The following TMEM11 variants were observed in gnomAD, a reference collection of about 807,000 sequenced individuals.
The protein encoded by TMEM11 is transmembrane protein 11, mitochondrial.
TMEM11 carries 1 observed loss-of-function variant against 17.0 expected under a neutral mutation model. The ratio of observed to expected loss-of-function variants is 0.06; its 90% CI spans 0.02 to 0.28. The LOEUF (loss-of-function observed/expected upper bound fraction) is 0.28, where lower values mean the gene tolerates loss of function less well. TMEM11 is among the 10% of genes least tolerant of loss of function. The pLI is 1.00. For synonymous variants in TMEM11, 122 were observed against 118.1 expected, an observed-to-expected ratio of 1.03 and a Z score of -0.21; for missense variants, 172 against 252.9, an observed-to-expected ratio of 0.68 and a Z score of 2.17.
intron 1 of TMEM11, among the ~76,000 whole-genome samples, chr17:21,200,014 C>G (rs1382586573): frequency 6.6e-6 from 1 of 152,234 alleles, no homozygotes; most frequent in Non-Finnish European, 1.5e-5. Context: ...GCATAAGAAA[C>G]ACTGCCACGG....
At chr17:21,199,475 G>A (rs920840180) in intron 1 of TMEM11, among the ~76,000 whole-genome samples, 12 of 152,104 alleles carry the variant, frequency 7.9e-5, no homozygotes, top group African/African-American at 1.4e-4. Flanking sequence ...AGAACGATTC[G>A]GCACAGAATC....
intron 1 of TMEM11, among the ~76,000 whole-genome samples, chr17:21,212,198 A>G (rs933438070): frequency 1.3e-5 from 2 of 152,210 alleles, no homozygotes; most frequent in African/African-American, 4.8e-5. Context: ...TATCTAGGAG[A>G]GTAGATGGTG....
At chr17:21,207,188 A>C (rs1015947380) in intron 1 of TMEM11, among the ~76,000 whole-genome samples, 2 of 152,182 alleles carry the variant, frequency 1.3e-5, no homozygotes, top group African/African-American at 4.8e-5. Context: ...ATTACTTTTC[A>C]CATATTGTAA....
intron 1 of TMEM11, among the ~76,000 whole-genome samples, chr17:21,203,764 C>T (rs1004705214): frequency 1.3e-5 from 2 of 151,900 alleles, no homozygotes; most frequent in Admixed American, 6.6e-5. Context: ...CCAGCCAGCT[C>T]CTGACCACCC....
At chr17:21,212,453 C>T (rs1291387982) in intron 1 of TMEM11, among the ~76,000 whole-genome samples, 1 of 152,232 alleles carries the variant, frequency 6.6e-6, no homozygotes, top group African/African-American at 2.4e-5. Flanking sequence ...GAGTCAGCCA[C>T]TACCCAGCTT....
chr17:21,208,360 C>T (rs1028223306), intron 1 of TMEM11: 1 of 151,808 alleles, frequency 6.6e-6, no homozygotes, highest in Non-Finnish European at 1.5e-5. Flanking sequence ...TCTGTTCAAC[C>T]CTATATCCCT....
chr17:21,207,820 A>G (rs1567636932), intron 1 of TMEM11, among the ~76,000 whole-genome samples: 1 of 151,406 alleles, frequency 6.6e-6, no homozygotes, highest in Non-Finnish European at 1.5e-5. Context: ...CCTAGGAGGT[A>G]GAGGTTGCAG....
At chr17:21,204,925 T>C (rs1256606546) in intron 1 of TMEM11, among the ~76,000 whole-genome samples, 2 of 152,056 alleles carry the variant, frequency 1.3e-5, no homozygotes, top group Non-Finnish European at 2.9e-5. Context: ...AGACACTGAA[T>C]GGGACCGCTC....
At chr17:21,210,945 A>G in intron 1 of TMEM11, 1 of 1,283,994 alleles carries the variant, frequency 7.8e-7, no homozygotes. Flanking sequence ...CATTCCAACA[A>G]TCACGGAGGG....
In TMEM11 at chr17:21,198,786, C is replaced by G; in HGVS notation, c.117G>C (p.Glu39Asp). The G allele has an allele frequency of 2.5e-6, 4 of 1,614,002 alleles. No homozygotes were observed. Among genetic ancestry groups the G allele is most frequent in the Non-Finnish European group, 2.5e-6 (3 of 1,180,020 alleles). Residue 39 changes from glutamate (E) to aspartate (D), a missense_variant, in exon 2 of 2, where the codon GAG (glutamate) becomes GAC (aspartate). This residue lies in a region of TMEM11 where 123 missense variants were observed against 213.6 expected (regional missense o/e 0.58). Transcript: ENST00000317635. The surrounding 1 kb of genome is among the most constrained non-coding windows in gnomAD (Gnocchi z 6.5). ...CYIVHEIYNG[E>D]NAQDQFEYEL... ...CGTACTCAAACTGGTCTTGGGCATT[C>G]TCCCCATTGTAGATCTCATGCACAA...
intron 1 of TMEM11, among the ~76,000 whole-genome samples, chr17:21,212,951 C>A (rs916420995): frequency 2.6e-5 from 4 of 152,178 alleles, no homozygotes; most frequent in African/African-American, 9.7e-5. Flanking sequence ...GAATGGGCAA[C>A]GCTGGATAAC....
At position 21,198,407 on chromosome 17, in the gene TMEM11, G is replaced by T. The variant is rs1023866840; in HGVS notation, c.496C>A (p.His166Asn). 4.3e-6 allele frequency: 7 copies of T among 1,614,102 alleles called. No individual in the cohort carries two copies. The African/African-American group carries it at 9.3e-5, about 22-fold the overall frequency. Residue 166 changes from histidine to asparagine, a missense_variant, in exon 2 of 2, where the codon CAC becomes AAC. Coordinates refer to ENST00000317635, the MANE Select transcript of TMEM11 (RefSeq NM_003876.3). This position sits in a 1 kb window ranked among gnomAD's most constrained non-coding sequence, Gnocchi z 6.5. ...PVVLVRKDDLHRKRLHNTIAL... is the reference protein window; with the variant it reads ...PVVLVRKDDLNRKRLHNTIAL... Reference sequence around the variant, plus strand: ...ATCGTGTTGTGCAGTCTCTTTCTGTGCAGGTCGTCCTTCCGGACCAGCACC... The same window carrying T: ...ATCGTGTTGTGCAGTCTCTTTCTGTTCAGGTCGTCCTTCCGGACCAGCACC...
At position 21,198,690 on chromosome 17, in the gene TMEM11, T is replaced by C. The variant is rs150188248; in HGVS notation, c.213A>G (p.Thr71=). 6.2e-7 allele frequency: 1 copy of C among 1,614,136 alleles called. No homozygotes were observed. The highest frequency in any genetic ancestry group is 1.3e-5 in the African/African-American group (1 of 75,066). Residue 71 remains threonine, a synonymous_variant, in exon 2 of 2, where the codon ACA becomes ACG. Transcript: ENST00000317635. The surrounding 1 kb of genome is among the most constrained non-coding windows in gnomAD (Gnocchi z 6.5). ...VIEPTRIGDE[T]ARWITVGNCL... is the part of the protein sequence containing the mutation. ...AGTTGCCCACGGTGATCCAGCGGGC[T>C]GTCTCGTCGCCAATGCGAGTGGGCT...
Position 21,198,615 on chromosome 17 carries a change from C to A in TMEM11, c.288G>T (p.Pro96=), listed in dbSNP as rs373207736. The A allele has an allele frequency of 2.5e-6, 4 of 1,612,504 alleles. No individual in the cohort carries two copies. The highest frequency in any genetic ancestry group is 2.0e-4 in the Middle Eastern group (1 of 5,034). Residue 96 remains proline, a synonymous_variant, in exon 2 of 2, where the codon CCG becomes CCT. Transcript: ENST00000317635. The surrounding 1 kb of genome is among the most constrained non-coding windows in gnomAD (Gnocchi z 6.5). ...VLAGTACLFT[P]LALPLDYSHY... ...GGGAATAATCTAAGGGCAGCGCCAA[C>A]GGGGTGAAGAGGCAGGCGGTGCCCG...
rs764987344 is a variant in TMEM11, at chr17:21,198,431, C to T, written c.472G>A (p.Val158Met). Residue 158 changes from valine (V) to methionine (M), a missense_variant, in exon 2 of 2, where the codon GTG becomes ATG. Transcript: ENST00000317635. The surrounding 1 kb of genome is among the most constrained non-coding windows in gnomAD (Gnocchi z 6.5). ...LHTLTSSTPV[V>M]LVRKDDLHRK... is the part of the protein sequence containing the mutation. ...TGCAGGTCGTCCTTCCGGACCAGCA[C>T]CACCGGGGTGGAGGAGGTGAGTGTG... The T allele has an allele frequency of 6.2e-7, 1 of 1,614,234 alleles. No individual in the cohort carries two copies. Among genetic ancestry groups the T allele is most frequent in the South Asian group, 1.1e-5 (1 of 91,088 alleles).
intron 1 of TMEM11, among the ~76,000 whole-genome samples, chr17:21,201,805 A>ATTT (rs1401183247): frequency 1.3e-5 from 2 of 152,128 alleles, no homozygotes; most frequent in African/African-American, 2.4e-5. Flanking sequence ...AATTAAAAAA[A>ATTT]TTTTGTTGTA....
At position 21,198,781 on chromosome 17, in the gene TMEM11, G is replaced by A; in HGVS notation, c.122C>T (p.Ala41Val). ...IVHEIYNGEN[A>V]QDQFEYELEQ... ...CAGCTCGTACTCAAACTGGTCTTGG[G>A]CATTCTCCCCATTGTAGATCTCATG... The change falls in exon 2 of 2, where the codon GCC becomes GTC. Residue 41 changes from alanine (A) to valine (V), a missense_variant. By Grantham distance (64) the Ala-to-Val change is moderately conservative. This residue lies in a region of TMEM11 where 123 missense variants were observed against 213.6 expected (regional missense o/e 0.58). Coordinates refer to ENST00000317635, the MANE Select transcript of TMEM11 (RefSeq NM_003876.3). This position sits in a 1 kb window ranked among gnomAD's most constrained non-coding sequence, Gnocchi z 6.5. 1 of 1,614,034 alleles carries A rather than the reference G, an allele frequency of 6.2e-7. No individual in the cohort carries two copies. The highest frequency in any genetic ancestry group is 8.5e-7 in the Non-Finnish European group (1 of 1,180,044).
chr17:21,199,110 G>C lies in TMEM11; in HGVS notation c.63-270C>G, dbSNP rs1183315398. On this transcript the variant is annotated intron_variant, in intron 1 of 1. Transcript: ENST00000317635. ...GCCGGGGGGGCGGATCATGAGGTCA[G>C]GAGTTAGAGACCAGCCTGGCCAACA... is the stretch of plus-strand genomic sequence containing the variant. Among the ~76,000 whole-genome samples, 12 of 151,946 alleles carry C rather than the reference G, an allele frequency of 7.9e-5. 1 individual carries two copies. Among genetic ancestry groups the C allele is most frequent in the Non-Finnish European group, 1.5e-5 (1 of 67,976 alleles).
At chr17:21,210,714 C>T (rs1438476381) in intron 1 of TMEM11, among the ~76,000 whole-genome samples, 1 of 152,322 alleles carries the variant, frequency 6.6e-6, no homozygotes, top group African/African-American at 2.4e-5. Context: ...TGAAAGTCAG[C>T]CCAGGGAACT....
Sources: allele counts gnomAD v4.1 joint callset (sites outside exome capture counted in the v4.1 genomes callset), GRCh38; gene constraint gnomAD v4.1.1; regional missense constraint gnomAD v4.1.1; non-coding constraint Gnocchi (gnomAD v3.1); transcripts MANE v1.5; gene names NCBI Gene and HGNC (gene_info 2026-07-23, HGNC 2026-07-21).